PUS7L: variants seen among roughly 807,000 people sequenced by gnomAD.
PUS7L encodes pseudouridylate synthase PUS7L.
In PUS7L, 49 loss-of-function variants were observed where a neutral mutation model predicts 51.1. That is an observed-to-expected ratio of 0.96 (90% confidence interval 0.76 to 1.22). The LOEUF (loss-of-function observed/expected upper bound fraction) is 1.22. Among genes scored for constraint, PUS7L ranks in the 50% most tolerant of loss-of-function variants. The pLI, the probability that PUS7L is intolerant of heterozygous loss-of-function variation, is 0.00. For missense variants in PUS7L, 828 were observed against 820.6 expected, an observed-to-expected ratio of 1.01 and a Z score of -0.11; for synonymous variants, 277 against 276.2, an observed-to-expected ratio of 1.00 and a Z score of -0.03.
In PUS7L at chr12:43,730,720, G is replaced by GA. The variant is rs760912365; in HGVS notation, c.1780-19dup. Reference sequence around the variant, plus strand: ...AGAACCACCTGTGAAAGAAAAGAGGGAAAAAATATGAAAATAGCCTTCAAA... The same window carrying GA: ...AGAACCACCTGTGAAAGAAAAGAGGGAAAAAAATATGAAAATAGCCTTCAAA... On this transcript the variant is annotated intron_variant, in intron 8 of 8. Transcript: ENST00000344862. The GA allele has an allele frequency of 4.0e-6, 6 of 1,485,008 alleles. No homozygotes were observed. The highest frequency in any genetic ancestry group is 1.4e-5 in the African/African-American group (1 of 71,262). The allele number at this position is 1,485,008 out of a possible 1,614,324, so 92.0% of individuals were successfully genotyped here. A position where few individuals can be genotyped will look rare whatever the true frequency, so the allele number is the denominator to read the frequency against.
At position 43,720,326 on chromosome 12, in the gene PUS7L, A is replaced by T. The variant is rs1944382805; in HGVS notation, c.*10050T>A. 6.6e-6 allele frequency: 1 copy of T among 152,220 alleles called. No individual in the cohort carries two copies. Among genetic ancestry groups the T allele is most frequent in the South Asian group, 2.1e-4 (1 of 4,832 alleles). 9.4% of individuals were successfully genotyped at this position (152,220 alleles called of 1,614,324 possible). A position where few individuals can be genotyped will look rare whatever the true frequency, so the allele number is the denominator to read the frequency against. The stretch of plus-strand genomic sequence containing the variant: ...TGGTGAAATCCCATCTCTAATAAAA[A>T]TACAAAAATTAGCTGGGTATGGTGG... On this transcript the variant is annotated 3_prime_UTR_variant, in exon 9 of 9. Transcript: ENST00000344862.
intron 5 of PUS7L, chr12:43,741,091 T>A (rs1249790753): frequency 6.6e-6 from 1 of 152,154 alleles, no homozygotes; most frequent in Admixed American, 6.5e-5. Flanking sequence ...GGGTAATTTG[T>A]TACACAGCAA....
rs1477301262 is a variant in PUS7L, at chr12:43,727,261, G to C, written c.*3115C>G. The C allele has an allele frequency of 1.3e-5, 2 of 152,154 alleles. No homozygotes were observed. The highest frequency in any genetic ancestry group is 1.3e-4 in the Admixed American group (2 of 15,270). 9.4% of individuals were successfully genotyped at this position (152,154 alleles called of 1,614,324 possible). A position where few individuals can be genotyped will look rare whatever the true frequency, so the allele number is the denominator to read the frequency against. ...GGGAATATAAATTAGTTCAGCCTCT[G>C]TGGAAAGCAGTTTGAAGATTTCTCA... On this transcript the variant is annotated 3_prime_UTR_variant, in exon 9 of 9. Coordinates refer to ENST00000344862, the MANE Select transcript of PUS7L (RefSeq NM_031292.5).
rs1317556278 is a variant in PUS7L at position 43,754,778 on chromosome 12, T to G, written c.468A>C (p.Gly156=). 1 of 1,613,864 alleles carries G rather than the reference T, an allele frequency of 6.2e-7. No individual in the cohort carries two copies. Among genetic ancestry groups the G allele is most frequent in the African/African-American group, 1.3e-5 (1 of 74,938 alleles). ...EKWLSKTELI[G]LPPEFSIGRI... ...TGCCTATTGAGAATTCAGGAGGTAG[T>G]CCAATTAGCTCTGTTTTAGAAAGCC... The change falls in exon 2 of 9, where the codon GGA becomes GGC. Residue 156 remains glycine (G), a synonymous_variant. Transcript: ENST00000344862.
chr12:43,725,326 G>T lies in PUS7L; in HGVS notation c.*5050C>A, dbSNP rs1205470973. On this transcript the variant is annotated 3_prime_UTR_variant, in exon 9 of 9. Coordinates refer to ENST00000344862, the MANE Select transcript of PUS7L (RefSeq NM_031292.5). The stretch of plus-strand genomic sequence containing the variant: ...TTATATTTTGGTCTCAGAATCAAAA[G>T]GTATCTTGTCTCTCCCAAGACATGC... 6.6e-6 allele frequency: 1 copy of T among 152,004 alleles called. No homozygotes were observed. Among genetic ancestry groups the T allele is most frequent in the Non-Finnish European group, 1.5e-5 (1 of 68,012 alleles). The allele number at this position is 152,004 out of a possible 1,614,324, so 9.4% of individuals were successfully genotyped here.
At chr12:43,756,237 C>T (rs1356105427) in intron 1 of PUS7L, among the ~76,000 whole-genome samples, 1 of 152,208 alleles carries the variant, frequency 6.6e-6, no homozygotes, top group Admixed American at 6.5e-5. Context: ...GATATACTTA[C>T]TTTCCTTAAT....
In PUS7L at chr12:43,729,465, C is replaced by T. The variant is rs1200635910; in HGVS notation, c.*911G>A. ...TCCTCCCCAACACACCCATATTTAA[C>T]TGATATAAAATGGTGAAGGATGATT... On this transcript the variant is annotated 3_prime_UTR_variant, in exon 9 of 9. Transcript: ENST00000344862. 8.5e-6 allele frequency: 3 copies of T among 351,376 alleles called. No homozygotes were observed. The highest frequency in any genetic ancestry group is 1.5e-5 in the Non-Finnish European group (3 of 195,610). 21.8% of individuals were successfully genotyped at this position (351,376 alleles called of 1,614,324 possible).
chr12:43,722,160 G>A lies in PUS7L; in HGVS notation c.*8216C>T, dbSNP rs1231092067. 6.6e-6 allele frequency: 1 copy of A among 152,062 alleles called. No individual in the cohort carries two copies. The highest frequency in any genetic ancestry group is 1.5e-5 in the Non-Finnish European group (1 of 67,986). The allele number at this position is 152,062 out of a possible 1,614,324, so 9.4% of individuals were successfully genotyped here. A position where few individuals can be genotyped will look rare whatever the true frequency, so the allele number is the denominator to read the frequency against. On this transcript the variant is annotated 3_prime_UTR_variant, in exon 9 of 9. Coordinates refer to ENST00000344862, the MANE Select transcript of PUS7L (RefSeq NM_031292.5). ...TATTTGTGAAACAGCTGTAACAAAGGGTATGTACTATGGAGTAGTGACAGA... is the reference window on the plus strand; with the variant it reads ...TATTTGTGAAACAGCTGTAACAAAGAGTATGTACTATGGAGTAGTGACAGA...
At chr12:43,752,201 G>A (rs1938484998) in intron 2 of PUS7L, among the ~76,000 whole-genome samples, 1 of 152,172 alleles carries the variant, frequency 6.6e-6, no homozygotes, top group Non-Finnish European at 1.5e-5. Context: ...AGAAACTGGA[G>A]GATCCATTCC....
intron 7 of PUS7L, among the ~76,000 whole-genome samples, chr12:43,732,132 C>T (rs1944570947): frequency 6.6e-6 from 1 of 151,760 alleles, no homozygotes; most frequent in East Asian, 1.9e-4. Context: ...TAATCTCTGT[C>T]CCCCGAAAAT....
At chr12:43,732,801 G>T (rs1944589663) in intron 7 of PUS7L, among the ~76,000 whole-genome samples, 1 of 151,994 alleles carries the variant, frequency 6.6e-6, no homozygotes, top group Admixed American at 6.6e-5. Context: ...TTTAGGGTTT[G>T]TTTTTTTGTT....
chr12:43,736,659 C>T lies in PUS7L; in HGVS notation c.1447G>A (p.Asp483Asn). The T allele has an allele frequency of 6.2e-7, 1 of 1,612,358 alleles. No homozygotes were observed. Among genetic ancestry groups the T allele is most frequent in the Non-Finnish European group, 8.5e-7 (1 of 1,178,716 alleles). Residue 483 changes from aspartate (D) to asparagine (N), a missense_variant and splice_region_variant, in exon 7 of 9, where the codon GAT becomes AAT. By Grantham distance (23) the Asp-to-Asn change is conservative. Coordinates refer to ENST00000344862, the MANE Select transcript of PUS7L (RefSeq NM_031292.5). ...ATCAATGAAAGTGTGCCTTTAGCAT[C>T]CTCTGAAACAAAGGGTAAATCAGGT... The part of the protein sequence containing the change: ...RAKKYFLQTE[D>N]AKGTLSLMPE...
rs920694198 is a variant in PUS7L, at chr12:43,724,164, T to C, written c.*6212A>G. 2.0e-5 allele frequency: 3 copies of C among 152,080 alleles called. No individual in the cohort carries two copies. The highest frequency in any genetic ancestry group is 1.9e-4 in the East Asian group (1 of 5,204). 9.4% of individuals were successfully genotyped at this position (152,080 alleles called of 1,614,324 possible). ...CATTAAATTATATAGAGTTTCATTT[T>C]CTTTTTGTTCTCTTAAAGATTACTC... is the stretch of plus-strand genomic sequence containing the variant. On this transcript the variant is annotated 3_prime_UTR_variant, in exon 9 of 9. Transcript: ENST00000344862.
In PUS7L at chr12:43,752,733, A is replaced by G. The variant is rs569177621; in HGVS notation, c.910+1603T>C. Among the ~76,000 whole-genome samples, 11 of 152,264 alleles carry G rather than the reference A, an allele frequency of 7.2e-5. No homozygotes were observed. The South Asian group carries it at 2.3e-3, about 32-fold the overall frequency. ...GGTGGTTCCCATTTTTCAGAACTGG[A>G]GAGGAGGAAGAATTGTTTAATAAAT... is the stretch of plus-strand genomic sequence containing the variant. On this transcript the variant is annotated intron_variant, in intron 2 of 8. Transcript: ENST00000344862.
At position 43,737,342 on chromosome 12, in the gene PUS7L, C is replaced by T. The variant is rs117644328; in HGVS notation, c.1445-681G>A. ...ATTTTCCTTATTATTACTTAAATTA[C>T]TCATAAGAGTTAGAAGTGTCCACAC... On this transcript the variant is annotated intron_variant, in intron 6 of 8. Coordinates refer to ENST00000344862, the MANE Select transcript of PUS7L (RefSeq NM_031292.5). Among the ~76,000 whole-genome samples the T allele has an allele frequency of 4.6e-3, 700 of 152,158 alleles. 10 individuals carry two copies. In the East Asian group the frequency reaches 0.062, roughly 13 times the overall value.
intron 2 of PUS7L, among the ~76,000 whole-genome samples, chr12:43,751,172 GTTAT>G (rs1199047333): frequency 7.9e-5 from 12 of 151,190 alleles, no homozygotes; most frequent in East Asian, 5.8e-4. Flanking sequence ...TAGGGCTGCA[GTTAT>G]TTATTTATTT....
In PUS7L at chr12:43,721,177, A is replaced by T. The variant is rs1944393230; in HGVS notation, c.*9199T>A. On this transcript the variant is annotated 3_prime_UTR_variant, in exon 9 of 9. Transcript: ENST00000344862. ...AAAACTGAAGCACTTTCCATTAGAA[A>T]TCAGTAGAGCAAGTGGTTATCATCA... 1 of 152,194 alleles carries T rather than the reference A, an allele frequency of 6.6e-6. No individual in the cohort carries two copies. Among genetic ancestry groups the T allele is most frequent in the Non-Finnish European group, 1.5e-5 (1 of 68,030 alleles). 9.4% of individuals were successfully genotyped at this position (152,194 alleles called of 1,614,324 possible).
chr12:43,752,578 T>C (rs571302518), intron 2 of PUS7L, among the ~76,000 whole-genome samples: 133 of 152,282 alleles, frequency 8.7e-4, no homozygotes, highest in African/African-American at 2.5e-3. Flanking sequence ...TTCTAACACA[T>C]GCTACAACAT....
At chr12:43,748,332 C>A in intron 3 of PUS7L, 118 bp downstream of exon 3, 1 of 595,688 alleles carries the variant, frequency 1.7e-6, no homozygotes, top group Non-Finnish European at 2.8e-6. Context: ...TTATGAGACA[C>A]TTTTCTGAAT....
Sources: allele counts gnomAD v4.1 joint callset (sites outside exome capture counted in the v4.1 genomes callset), GRCh38; gene constraint gnomAD v4.1.1; transcripts MANE v1.5; gene names NCBI Gene and HGNC (gene_info 2026-07-23, HGNC 2026-07-21).